Variants in SREBF1 observed in about 807,000 individuals in gnomAD.
SREBF1 encodes the protein sterol regulatory element binding transcription factor 1.
In SREBF1, 45 loss-of-function variants were observed where a neutral mutation model predicts 100.1. That is an observed-to-expected ratio of 0.45 (90% confidence interval 0.35 to 0.58). The LOEUF is 0.58. Ranked by LOEUF, SREBF1 falls within the 20% of genes least tolerant of loss-of-function variation. The probability of loss-of-function intolerance (pLI) is 0.00; values close to 1 mark genes in which losing one functional copy is unlikely to be tolerated. For synonymous variants in SREBF1, 657 were observed against 681.8 expected, an observed-to-expected ratio of 0.96 and a Z score of 0.57; for missense variants, 1,324 against 1,539.4, an observed-to-expected ratio of 0.86 and a Z score of 2.34.
intron 1 of SREBF1, among the ~76,000 whole-genome samples, chr17:17,832,390 C>T (rs555284676): frequency 5.1e-4 from 77 of 152,280 alleles, no homozygotes; most frequent in Admixed American, 9.8e-4. Context: ...CTCTGACCCC[C>T]GACTGTCCTC....
rs1307751027 is a variant in SREBF1, at chr17:17,815,965, T to C, written c.2278A>G (p.Met760Val). The C allele has an allele frequency of 1.2e-6, 2 of 1,612,822 alleles. No individual in the cohort carries two copies. The highest frequency in any genetic ancestry group is 1.7e-5 in the Admixed American group (1 of 60,014). Residue 760 changes from methionine (M) to valine (V), a missense_variant, in exon 12 of 19, where the codon ATG (methionine) becomes GTG (valine). Transcript: ENST00000261646. Reference sequence around the variant, plus strand: ...CCCACGGGGTGGCAGAGCCACTGCATGGCAGGAGGCACTGAGCCACTCTGT... The same window carrying C: ...CCCACGGGGTGGCAGAGCCACTGCACGGCAGGAGGCACTGAGCCACTCTGT... ...LAQSGSVPPA[M>V]QWLCHPVGHR...
chr17:17,834,424 A>G (rs2035100695), intron 1 of SREBF1, among the ~76,000 whole-genome samples: 2 of 152,182 alleles, frequency 1.3e-5, no homozygotes, highest in Non-Finnish European at 2.9e-5. Flanking sequence ...GCTCACTTGC[A>G]TTTTCTAAGT....
intron 11 of SREBF1, 25 bp downstream of exon 11, chr17:17,816,182 G>T: frequency 1.2e-5 from 1 of 81,144 alleles, no homozygotes; most frequent in Non-Finnish European, 2.2e-5. Flanking sequence ...GCAGGGATAA[G>T]CCCCCAGCCC....
chr17:17,828,497 C>A (rs1296544410), intron 1 of SREBF1, among the ~76,000 whole-genome samples: 1 of 152,252 alleles, frequency 6.6e-6, no homozygotes, highest in Non-Finnish European at 1.5e-5. Context: ...CCAATTCAGA[C>A]ACCTTGTCCG....
chr17:17,819,264 G>A (rs760434634), intron 4 of SREBF1, 30 bp from the exon 5 acceptor site: 1 of 1,613,486 alleles, frequency 6.2e-7, no homozygotes, highest in Non-Finnish European at 8.5e-7. Context: ...TTACCAGGTG[G>A]GCATGTGTGT....
intron 1 of SREBF1, among the ~76,000 whole-genome samples, chr17:17,834,249 C>A (rs952952190): frequency 6.6e-6 from 1 of 152,128 alleles, no homozygotes; most frequent in Non-Finnish European, 1.5e-5. Context: ...ATGTCACCCA[C>A]ACCCAGCTAA....
rs1311284746 is a variant in SREBF1, at chr17:17,812,184, A to T, written c.*438T>A. 2 of 429,164 alleles carry T rather than the reference A, an allele frequency of 4.7e-6. No individual in the cohort carries two copies. Among genetic ancestry groups the T allele is most frequent in the African/African-American group, 2.1e-5 (1 of 47,846 alleles). The allele number at this position is 429,164 out of a possible 1,614,324, so 26.6% of individuals were successfully genotyped here. The stretch of plus-strand genomic sequence containing the variant: ...GGAGCCTCAGGTCAGGAGGCTAAGC[A>T]CGCTGACCTACACTATGTACACGTC... On this transcript the variant is annotated 3_prime_UTR_variant, in exon 19 of 19. Transcript: ENST00000261646.
intron 18 of SREBF1, 44 bp downstream of exon 18, chr17:17,813,324 T>G (rs776118202): frequency 3.3e-6 from 5 of 1,537,628 alleles, no homozygotes; most frequent in East Asian, 2.4e-5. Context: ...CGCCCTTCCC[T>G]GCTGAGCAGA....
At position 17,811,540 on chromosome 17, in the gene SREBF1, G is replaced by A. The variant is rs1018753876; in HGVS notation, c.*1082C>T. The A allele has an allele frequency of 9.6e-6, 3 of 312,348 alleles. No individual in the cohort carries two copies. Among genetic ancestry groups the A allele is most frequent in the Admixed American group, 1.1e-4 (2 of 18,920 alleles). 19.3% of individuals were successfully genotyped at this position (312,348 alleles called of 1,614,324 possible). A position where few individuals can be genotyped will look rare whatever the true frequency, so the allele number is the denominator to read the frequency against. On this transcript the variant is annotated 3_prime_UTR_variant, in exon 19 of 19. Coordinates refer to ENST00000261646, the MANE Select transcript of SREBF1 (RefSeq NM_004176.5). ...AATGGGAATGAAGGGAGGGGCTGGG[G>A]GGGGGGGCATGAATGGAGTCAGGGA...
chr17:17,832,386 C>A (rs759850204), intron 1 of SREBF1, among the ~76,000 whole-genome samples: 4 of 152,154 alleles, frequency 2.6e-5, no homozygotes, highest in Admixed American at 6.5e-5. Flanking sequence ...CCTGCTCTGA[C>A]CCCCGACTGT....
chr17:17,823,454 CAGG>C, intron 1 of SREBF1: 1 of 1,289,038 alleles, frequency 7.8e-7, no homozygotes, highest in Non-Finnish European at 1.1e-6. Flanking sequence ...CCGCCCACCC[CAGG>C]AGAACCTGCA....
intron 1 of SREBF1, among the ~76,000 whole-genome samples, chr17:17,828,500 C>T (rs1202004224): frequency 6.6e-6 from 1 of 152,214 alleles, no homozygotes; most frequent in Non-Finnish European, 1.5e-5. Flanking sequence ...ATTCAGACAC[C>T]TTGTCCGAGA....
In SREBF1 at chr17:17,812,331, A is replaced by G. The variant is rs2032961344; in HGVS notation, c.*291T>C. On this transcript the variant is annotated 3_prime_UTR_variant, in exon 19 of 19. Coordinates refer to ENST00000261646, the MANE Select transcript of SREBF1 (RefSeq NM_004176.5). ...CTCTCTTCCCTGTACACAGGAGGAA[A>G]AAAGCCACTAAGGTGCCTGCAGAGC... 1.8e-6 allele frequency: 1 copy of G among 547,402 alleles called. No homozygotes were observed. Among genetic ancestry groups the G allele is most frequent in the Non-Finnish European group, 3.3e-6 (1 of 307,646 alleles). 33.9% of individuals were successfully genotyped at this position (547,402 alleles called of 1,614,324 possible). A position where few individuals can be genotyped will look rare whatever the true frequency, so the allele number is the denominator to read the frequency against.
Position 17,811,752 on chromosome 17 carries a change from A to C in SREBF1, c.*870T>G, listed in dbSNP as rs73981075. 2,110 of 455,144 alleles carry C rather than the reference A, an allele frequency of 4.6e-3. 29 individuals carry two copies. The highest frequency in any genetic ancestry group is 0.036 in the African/African-American group (1,798 of 50,014). 28.2% of individuals were successfully genotyped at this position (455,144 alleles called of 1,614,324 possible). Reference sequence around the variant, plus strand: ...GCTCCTGTCACACAACAGGTCCTGGAAGTCAGTCCATCCTCCCGTGCCACC... The same window carrying C: ...GCTCCTGTCACACAACAGGTCCTGGCAGTCAGTCCATCCTCCCGTGCCACC... On this transcript the variant is annotated 3_prime_UTR_variant, in exon 19 of 19. Coordinates refer to ENST00000261646, the MANE Select transcript of SREBF1 (RefSeq NM_004176.5).
Position 17,819,922 on chromosome 17 carries a change from G to A in SREBF1, c.523+168C>T, listed in dbSNP as rs988646288. 7.0e-5 allele frequency: 80 copies of A among 1,143,386 alleles called. No individual in the cohort carries two copies. In the African/African-American group the frequency reaches 8.9e-4, roughly 13 times the overall value. The allele number at this position is 1,143,386 out of a possible 1,614,324, so 70.8% of individuals were successfully genotyped here. Reference sequence around the variant, plus strand: ...TCCAGTGCGAGGTTGCGCCTACCCCGGCAACAAGCACACCAGGACTGCTAG... The same window carrying A: ...TCCAGTGCGAGGTTGCGCCTACCCCAGCAACAAGCACACCAGGACTGCTAG... On this transcript the variant is annotated intron_variant, in intron 2 of 18. Coordinates refer to ENST00000261646, the MANE Select transcript of SREBF1 (RefSeq NM_004176.5).
At chr17:17,833,697 T>C (rs569027787) in intron 1 of SREBF1, among the ~76,000 whole-genome samples, 1 of 151,860 alleles carries the variant, frequency 6.6e-6, no homozygotes, top group South Asian at 2.1e-4. Context: ...AAAAAATTGA[T>C]GAAGGCCGGG....
rs1471862928 is a variant in SREBF1, at chr17:17,816,380, G to A, written c.2048-7C>T. The A allele has an allele frequency of 1.3e-6, 2 of 1,591,654 alleles. No individual in the cohort carries two copies. Among genetic ancestry groups the A allele is most frequent in the African/African-American group, 1.3e-5 (1 of 74,396 alleles). On this transcript the variant is annotated splice_polypyrimidine_tract_variant and splice_region_variant and intron_variant, in intron 10 of 18. Coordinates refer to ENST00000261646, the MANE Select transcript of SREBF1 (RefSeq NM_004176.5). ...TGCCCGCCTGTGTGCTTCCCTGGAA[G>A]GCAAGCAGGCATGAGGCTGTGGGTG...
At position 17,813,499 on chromosome 17, in the gene SREBF1, A is replaced by C; in HGVS notation, c.3103-20T>G. On this transcript the variant is annotated intron_variant, in intron 17 of 18. Coordinates refer to ENST00000261646, the MANE Select transcript of SREBF1 (RefSeq NM_004176.5). ...GAACACCTGGGGGCCAGGAGAGTGGAGGCTCAGGGCTCTCCATCTCCACCA... is the reference window on the plus strand; with the variant it reads ...GAACACCTGGGGGCCAGGAGAGTGGCGGCTCAGGGCTCTCCATCTCCACCA... The C allele has an allele frequency of 6.3e-7, 1 of 1,590,388 alleles. No homozygotes were observed. Among genetic ancestry groups the C allele is most frequent in the Non-Finnish European group, 8.6e-7 (1 of 1,168,400 alleles).
chr17:17,832,185 G>A (rs568106693), intron 1 of SREBF1, among the ~76,000 whole-genome samples: 18 of 152,326 alleles, frequency 1.2e-4, no homozygotes, highest in Non-Finnish European at 2.2e-4. Context: ...GTGATCTCAG[G>A]CAAATCACTT....
Sources: allele counts gnomAD v4.1 joint callset (sites outside exome capture counted in the v4.1 genomes callset), GRCh38; gene constraint gnomAD v4.1.1; transcripts MANE v1.5; gene names NCBI Gene and HGNC (gene_info 2026-07-23, HGNC 2026-07-21).